Variants in EPHA4 observed in about 807,000 individuals in gnomAD.
EPHA4 encodes ephrin type-A receptor 4.
In EPHA4, 19 loss-of-function variants were observed where a neutral mutation model predicts 108.3. The ratio of observed to expected loss-of-function variants is 0.18; its 90% CI spans 0.12 to 0.26. EPHA4 has a LOEUF of 0.26. Ranked by LOEUF, EPHA4 falls within the 10% of genes least tolerant of loss-of-function variation. The probability of loss-of-function intolerance (pLI) is 1.00; values close to 1 mark genes in which losing one functional copy is unlikely to be tolerated. For missense variants in EPHA4, 917 were observed against 1,254.0 expected (o/e 0.73, Z 4.06); for synonymous variants, 449 against 455.5 (o/e 0.99, Z 0.18).
intron 14 of EPHA4, among the ~76,000 whole-genome samples, chr2:221,432,199 C>G (rs1417901409): frequency 6.6e-6 from 1 of 151,178 alleles, no homozygotes; most frequent in Non-Finnish European, 1.5e-5. Flanking sequence ...CAGATCTGAA[C>G]ATATTTAGGG....
At chr2:221,544,430 A>G (rs1011188187) in intron 3 of EPHA4, among the ~76,000 whole-genome samples, 3 of 152,118 alleles carry the variant, frequency 2.0e-5, no homozygotes, top group African/African-American at 7.2e-5. Flanking sequence ...GATTCAAGCA[A>G]TTCTCCTGCC....
At chr2:221,469,623 T>C (rs529352087) in intron 5 of EPHA4, among the ~76,000 whole-genome samples, 5 of 152,334 alleles carry the variant, frequency 3.3e-5, no homozygotes, top group African/African-American at 1.2e-4. Context: ...ATCTCAGTGA[T>C]GGTCCACTGT....
intron 3 of EPHA4, among the ~76,000 whole-genome samples, chr2:221,526,852 CA>C (rs528335766): frequency 2.1e-5 from 1 of 48,618 alleles, no homozygotes; most frequent in African/African-American, 8.3e-5. Context: ...GACTCGGCCT[CA>C]AAAAAAAAAA....
At chr2:221,514,050 C>G (rs540025518) in intron 3 of EPHA4, among the ~76,000 whole-genome samples, 2 of 150,900 alleles carry the variant, frequency 1.3e-5, no homozygotes, top group East Asian at 4.0e-4. Flanking sequence ...TGGCAACAAC[C>G]CACCCTTTCC....
rs192511829 is a variant in EPHA4, at chr2:221,501,193, A to G, written c.824-21T>C. On this transcript the variant is annotated intron_variant, in intron 3 of 17. Coordinates refer to ENST00000281821, the MANE Select transcript of EPHA4 (RefSeq NM_004438.5). The stretch of plus-strand genomic sequence containing the variant: ...GCAAGCTGCAGGGAAGAAGAAAAAA[A>G]CAAACAAATAGAAACCACTGCAAAT... 3 of 1,553,302 alleles carry G rather than the reference A, an allele frequency of 1.9e-6. No homozygotes were observed. In the Admixed American group the frequency reaches 6.1e-5, roughly 32 times the overall value.
At chr2:221,474,068 A>T (rs11886883) in intron 5 of EPHA4, among the ~76,000 whole-genome samples, 10,362 of 152,206 alleles carry the variant, frequency 0.068, 880 homozygotes, top group African/African-American at 0.2. Flanking sequence ...CATCTTTTTT[A>T]AAAAAATGCA....
chr2:221,519,854 T>C (rs1693106693), intron 3 of EPHA4, among the ~76,000 whole-genome samples: 1 of 152,122 alleles, frequency 6.6e-6, no homozygotes, highest in South Asian at 2.1e-4. Context: ...AGAAGCATTC[T>C]ATACTCACAG....
At chr2:221,487,396 CTATCAAATAAGGTTT>C (rs2088873855) in intron 4 of EPHA4, among the ~76,000 whole-genome samples, 1 of 152,166 alleles carries the variant, frequency 6.6e-6, no homozygotes, top group South Asian at 2.1e-4. Flanking sequence ...AATGTGGGTT[CTATCAAATAAGGTTT>C]TATCAAATTG....
intron 3 of EPHA4, among the ~76,000 whole-genome samples, chr2:221,553,654 C>T (rs1008894979): frequency 1.3e-5 from 2 of 152,162 alleles, no homozygotes; most frequent in African/African-American, 2.4e-5. Context: ...CTGCTATTCA[C>T]AGAAACAAGC....
At chr2:221,524,264 ACTGC>A (rs1360621811) in intron 3 of EPHA4, among the ~76,000 whole-genome samples, 7 of 152,228 alleles carry the variant, frequency 4.6e-5, no homozygotes, top group African/African-American at 1.7e-4. Context: ...CCCATCAGGT[ACTGC>A]CTGAGCACCC....
chr2:221,566,821 A>T (rs183549777), intron 2 of EPHA4, among the ~76,000 whole-genome samples: 10 of 141,710 alleles, frequency 7.1e-5, no homozygotes, highest in African/African-American at 2.4e-4. Flanking sequence ...GAAGAAGGAG[A>T]AGAAGGAGAA....
intron 8 of EPHA4, 141 bp from the exon 9 acceptor site, chr2:221,446,322 A>G: frequency 2.5e-6 from 1 of 403,788 alleles, no homozygotes. Flanking sequence ...TGAGACTTAC[A>G]AGAGATGAAA....
intron 3 of EPHA4, among the ~76,000 whole-genome samples, chr2:221,562,802 A>T (rs974551357): frequency 6.6e-6 from 1 of 152,202 alleles, no homozygotes; most frequent in Non-Finnish European, 1.5e-5. Flanking sequence ...AATTACTCTC[A>T]TCTCTTACTC....
At chr2:221,486,239 G>C (rs1691969470) in intron 4 of EPHA4, among the ~76,000 whole-genome samples, 2 of 152,270 alleles carry the variant, frequency 1.3e-5, no homozygotes, top group Non-Finnish European at 2.9e-5. Context: ...ATTGTGAATG[G>C]CAAGATTTTG....
intron 4 of EPHA4, among the ~76,000 whole-genome samples, chr2:221,487,129 T>C (rs1328807250): frequency 7.9e-6 from 1 of 126,164 alleles, no homozygotes; most frequent in African/African-American, 2.9e-5. Context: ...TTGTGAATCA[T>C]TCATTTATTC....
At chr2:221,511,160 T>G (rs1355995791) in intron 3 of EPHA4, among the ~76,000 whole-genome samples, 1 of 151,984 alleles carries the variant, frequency 6.6e-6, no homozygotes, top group African/African-American at 2.4e-5. Flanking sequence ...GCTGCCAGGT[T>G]TGATAAAAAT....
intron 3 of EPHA4, among the ~76,000 whole-genome samples, chr2:221,548,216 G>T (rs950689607): frequency 6.6e-6 from 1 of 152,168 alleles, no homozygotes; most frequent in African/African-American, 2.4e-5. Context: ...AATTAGCCAG[G>T]CGTGGCGCCG....
chr2:221,526,242 A>G (rs1693320748), intron 3 of EPHA4, among the ~76,000 whole-genome samples: 1 of 151,656 alleles, frequency 6.6e-6, no homozygotes, highest in South Asian at 2.1e-4. Flanking sequence ...GGCACTTTAT[A>G]TACATAATCA....
chr2:221,551,738 G>C (rs879765203), intron 3 of EPHA4, among the ~76,000 whole-genome samples: 1 of 152,086 alleles, frequency 6.6e-6, no homozygotes, highest in Non-Finnish European at 1.5e-5. Context: ...ACTTCCAAAA[G>C]TCAGATCATT....
Sources: allele counts gnomAD v4.1 joint callset (sites outside exome capture counted in the v4.1 genomes callset), GRCh38; gene constraint gnomAD v4.1.1; transcripts MANE v1.5; gene names NCBI Gene and HGNC (gene_info 2026-07-23, HGNC 2026-07-21).